The following PCDHGA6 variants were observed in gnomAD, a reference collection of about 807,000 sequenced individuals.
PCDHGA6 encodes protocadherin gamma subfamily A, 6.
In PCDHGA6, 41 loss-of-function variants were observed where a neutral mutation model predicts 60.6. That is an observed-to-expected ratio of 0.68 (90% CI 0.53 to 0.88). PCDHGA6 has a LOEUF of 0.88. Ranked by LOEUF, PCDHGA6 falls within the 40% of genes least tolerant of loss-of-function variation. PCDHGA6 has a pLI of 0.00. For synonymous variants in PCDHGA6, 594 were observed against 524.4 expected (o/e 1.13, Z -1.81); for missense variants, 1,312 against 1,203.0 (o/e 1.09, Z -1.34).
At chr5:141,389,142 G>A (rs72790030) in intron 1 of PCDHGA6, 42,481 of 1,613,950 alleles carry the variant, frequency 0.026, 745 homozygotes, top group East Asian at 0.04. Flanking sequence ...CAATATAACC[G>A]TTACGGCAAC....
Position 141,476,144 on chromosome 5 carries a change from C to T in PCDHGA6, c.2425-18663C>T. ...GGTCCCAGAGGCCTGGAGGAGCGGA[C>T]TGGTAAGCACCGGGAGGGTAGTGGG... is the stretch of plus-strand genomic sequence containing the variant. On this transcript the variant is annotated intron_variant, in intron 1 of 3. Transcript: ENST00000517434. This position sits in a 1 kb window ranked among gnomAD's most constrained non-coding sequence, Gnocchi z 7.6. 6.2e-7 allele frequency: 1 copy of T among 1,610,510 alleles called. No individual in the cohort carries two copies. The highest frequency in any genetic ancestry group is 1.3e-5 in the African/African-American group (1 of 75,014).
At chr5:141,399,230 A>G (rs764321114) in intron 1 of PCDHGA6, 2 of 1,614,002 alleles carry the variant, frequency 1.2e-6, no homozygotes, top group Non-Finnish European at 1.7e-6. Context: ...ATCAAAATAC[A>G]TGACCAAGAT....
In PCDHGA6 at chr5:141,438,615, TATATATATATATATATATATACAC is replaced by T. The variant is rs1230398483; in HGVS notation, c.2425-56190_2425-56167del. ...ACATATATATATATATATATATATA[TATATATATATATATATATATACAC>T]ACACACACACACATATATGTATATA... is the stretch of plus-strand genomic sequence containing the variant. On this transcript the variant is annotated intron_variant, in intron 1 of 3. Transcript: ENST00000517434. Among the ~76,000 whole-genome samples the T allele has an allele frequency of 3.0e-3, 107 of 35,910 alleles. 2 individuals carry two copies. The highest frequency in any genetic ancestry group is 7.9e-3 in the African/African-American group (39 of 4,916). The allele number at this position is 35,910 out of a possible 152,430, so 23.6% of individuals were successfully genotyped here. A position where few individuals can be genotyped will look rare whatever the true frequency, so the allele number is the denominator to read the frequency against.
rs13178808 is a variant in PCDHGA6 at position 141,491,920 on chromosome 5, G to A, written c.2425-2887G>A. 1.2e-4 allele frequency: 164 copies of A among 1,356,270 alleles called. No individual in the cohort carries two copies. Among genetic ancestry groups the A allele is most frequent in the Non-Finnish European group, 1.5e-4 (155 of 1,015,194 alleles). The allele number at this position is 1,356,270 out of a possible 1,614,324, so 84.0% of individuals were successfully genotyped here. On this transcript the variant is annotated intron_variant, in intron 1 of 3. Transcript: ENST00000517434. This position sits in a 1 kb window ranked among gnomAD's most constrained non-coding sequence, Gnocchi z 6.9. ...ACCGGGGGTGGTGGCGACTGTGGGC[G>A]AGGGGAGGTGGGACCGACCCCCACC...
In PCDHGA6 at chr5:141,431,265, G is replaced by T; in HGVS notation, c.2424+54758G>T. On this transcript the variant is annotated intron_variant, in intron 1 of 3. Transcript: ENST00000517434. The surrounding 1 kb of genome is among the most constrained non-coding windows in gnomAD (Gnocchi z 4.8). ...GATATCGGGAAGAACTCTCTGCAGAGCTACGAGCTCAGCCCGAACACTCAC... is the reference window on the plus strand; with the variant it reads ...GATATCGGGAAGAACTCTCTGCAGATCTACGAGCTCAGCCCGAACACTCAC... 1 of 1,614,168 alleles carries T rather than the reference G, an allele frequency of 6.2e-7. No homozygotes were observed. The highest frequency in any genetic ancestry group is 8.5e-7 in the Non-Finnish European group (1 of 1,180,054).
chr5:141,503,075 G>A (rs1373753092), intron 2 of PCDHGA6, among the ~76,000 whole-genome samples: 1 of 151,438 alleles, frequency 6.6e-6, no homozygotes, highest in African/African-American at 2.4e-5. Context: ...GAATGGTCTC[G>A]ATCTCCTGAC....
At chr5:141,418,876 C>A (rs917800201) in intron 1 of PCDHGA6, 1 of 1,613,844 alleles carries the variant, frequency 6.2e-7, no homozygotes. Context: ...AAGTTGTAGA[C>A]GAAAACGACA....
rs1293684074 is a variant in PCDHGA6 at position 141,512,899 on chromosome 5, C to T, written c.*1726C>T. On this transcript the variant is annotated 3_prime_UTR_variant, in exon 4 of 4. Transcript: ENST00000517434. ...CCCACCCCACCCTCTTCCTGTGTCT[C>T]ACGCAAGTTTTATACTCTAATATTT... 1 of 152,260 alleles carries T rather than the reference C, an allele frequency of 6.6e-6. No homozygotes were observed. Among genetic ancestry groups the T allele is most frequent in the Non-Finnish European group, 1.5e-5 (1 of 68,064 alleles). 9.4% of individuals were successfully genotyped at this position (152,260 alleles called of 1,614,324 possible). A position where few individuals can be genotyped will look rare whatever the true frequency, so the allele number is the denominator to read the frequency against.
intron 1 of PCDHGA6, among the ~76,000 whole-genome samples, chr5:141,458,821 C>T (rs1220034390): frequency 6.6e-6 from 1 of 152,146 alleles, no homozygotes; most frequent in Non-Finnish European, 1.5e-5. Flanking sequence ...CAACCTCTGC[C>T]TCCCAGGCTC....
intron 1 of PCDHGA6, chr5:141,416,401 T>C (rs2096020867): frequency 6.6e-6 from 1 of 152,204 alleles, no homozygotes; most frequent in African/African-American, 2.4e-5. Context: ...TGCTTTTGTC[T>C]TTTTTGTTAA....
intron 1 of PCDHGA6, chr5:141,478,043 A>G (rs1399496347): frequency 7.4e-6 from 12 of 1,613,710 alleles, no homozygotes; most frequent in Non-Finnish European, 1.0e-5. Flanking sequence ...ACCCAGGCAG[A>G]CTCTCACGGT....
intron 1 of PCDHGA6, chr5:141,390,025 G>GA (rs2092024046): frequency 1.2e-6 from 2 of 1,613,882 alleles, no homozygotes; most frequent in Non-Finnish European, 1.7e-6. Context: ...TTGCGCCTGC[G>GA]ACGCTCCTCC....
intron 1 of PCDHGA6, among the ~76,000 whole-genome samples, chr5:141,435,232 G>A (rs1317217213): frequency 6.6e-6 from 1 of 152,062 alleles, no homozygotes; most frequent in Non-Finnish European, 1.5e-5. Context: ...TCAAAGTTCA[G>A]TAATTCTTTC....
Position 141,432,097 on chromosome 5 carries a change from C to T in PCDHGA6, c.2424+55590C>T, listed in dbSNP as rs1428283489. The stretch of plus-strand genomic sequence containing the variant: ...TCTCGCTGAACGTGGCAGACACCAA[C>T]GACAACCCGCCGGTCTTCCCTCAGG... On this transcript the variant is annotated intron_variant, in intron 1 of 3. Transcript: ENST00000517434. This position sits in a 1 kb window ranked among gnomAD's most constrained non-coding sequence, Gnocchi z 6.0. 6 of 1,614,066 alleles carry T rather than the reference C, an allele frequency of 3.7e-6. No individual in the cohort carries two copies. The highest frequency in any genetic ancestry group is 2.7e-5 in the African/African-American group (2 of 74,920).
intron 1 of PCDHGA6, chr5:141,399,630 G>A: frequency 1.9e-6 from 3 of 1,613,874 alleles, no homozygotes; most frequent in Non-Finnish European, 1.7e-6. Flanking sequence ...CCTCTTACGT[G>A]TCCATGAGCG....
chr5:141,400,636 G>T (rs1478195116), intron 1 of PCDHGA6: 4 of 1,325,644 alleles, frequency 3.0e-6, no homozygotes, highest in Non-Finnish European at 4.2e-6. Context: ...AGTCAGAGCT[G>T]CTCAGAAAGC....
At chr5:141,473,229 T>G (rs891825934) in intron 1 of PCDHGA6, among the ~76,000 whole-genome samples, 8 of 152,160 alleles carry the variant, frequency 5.3e-5, no homozygotes, top group Admixed American at 1.3e-4. Context: ...GGAGATTGGA[T>G]CCACACAAGT....
intron 1 of PCDHGA6, among the ~76,000 whole-genome samples, chr5:141,386,536 GTGT>G (rs1561611759): frequency 6.6e-6 from 1 of 151,656 alleles, no homozygotes; most frequent in African/African-American, 2.4e-5. Flanking sequence ...TTTTAGACTA[GTGT>G]TGTATTTGGT....
intron 1 of PCDHGA6, chr5:141,382,920 C>T (rs894174603): frequency 2.6e-6 from 4 of 1,558,806 alleles, no homozygotes; most frequent in Admixed American, 1.9e-5. Flanking sequence ...AGCCGAGGGG[C>T]GGGGACTACA....
Sources: allele counts gnomAD v4.1 joint callset (sites outside exome capture counted in the v4.1 genomes callset), GRCh38; gene constraint gnomAD v4.1.1; non-coding constraint Gnocchi (gnomAD v3.1); transcripts MANE v1.5; gene names NCBI Gene and HGNC (gene_info 2026-07-23, HGNC 2026-07-21).